Variants in STAU2 observed in about 807,000 individuals in gnomAD.
STAU2 encodes the protein staufen double-stranded RNA binding protein 2.
Under a neutral mutation model 65.9 loss-of-function variants are expected in STAU2, and 20 were observed. That is an observed-to-expected ratio of 0.30 (90% CI 0.21 to 0.44). STAU2 has a LOEUF of 0.44. Ranked by LOEUF, STAU2 falls within the 20% of genes least tolerant of loss-of-function variation. The pLI is 1.00. For missense variants in STAU2, 558 were observed against 683.9 expected (o/e 0.82, Z 2.05); for synonymous variants, 232 against 233.9 (o/e 0.99, Z 0.07).
Position 73,746,818 on chromosome 8 carries a change from A to C in STAU2, c.-232T>G. 8.2e-7 allele frequency: 1 copy of C among 1,223,138 alleles called. No individual in the cohort carries two copies. Among genetic ancestry groups the C allele is most frequent in the Non-Finnish European group, 1.0e-6 (1 of 981,322 alleles). The allele number at this position is 1,223,138 out of a possible 1,614,324, so 75.8% of individuals were successfully genotyped here. On this transcript the variant is annotated 5_prime_UTR_variant, in exon 1 of 15. It removes an upstream start codon present in the reference 5' UTR. Transcript: ENST00000524300. ...GGGACACTTTGCAGACGGCTCCAACATTGGCAAACACTACAGAGAACTGAC... is the reference window on the plus strand; with the variant it reads ...GGGACACTTTGCAGACGGCTCCAACCTTGGCAAACACTACAGAGAACTGAC...
At chr8:73,632,262 T>C (rs1316003439) in intron 6 of STAU2, among the ~76,000 whole-genome samples, 1 of 150,116 alleles carries the variant, frequency 6.7e-6, no homozygotes, top group Non-Finnish European at 1.5e-5. Context: ...GTTCAGTACA[T>C]TAAAAAAAAA....
intron 3 of STAU2, among the ~76,000 whole-genome samples, chr8:73,724,661 G>GTGTGTC (rs1220063060): frequency 7.2e-6 from 1 of 139,276 alleles, no homozygotes; most frequent in African/African-American, 2.7e-5. Context: ...GGTTGTGTGT[G>GTGTGTC]TGTGTGTGTG....
At chr8:73,533,577 T>C (rs1189656530) in intron 13 of STAU2, among the ~76,000 whole-genome samples, 2 of 152,178 alleles carry the variant, frequency 1.3e-5, no homozygotes, top group South Asian at 2.1e-4. Context: ...GAAGTATTCA[T>C]AGAATCACTT....
intron 13 of STAU2, among the ~76,000 whole-genome samples, chr8:73,456,241 A>G (rs1819056592): frequency 6.6e-6 from 1 of 152,218 alleles, no homozygotes; most frequent in Admixed American, 6.5e-5. Flanking sequence ...CAAAAGGGCA[A>G]TCGAAAATAT....
At chr8:73,676,893 G>T (rs897333373) in intron 5 of STAU2, among the ~76,000 whole-genome samples, 3 of 152,194 alleles carry the variant, frequency 2.0e-5, no homozygotes, top group African/African-American at 7.2e-5. Context: ...ACCGTACCTG[G>T]TCTCATTGAA....
At chr8:73,648,645 A>G (rs1014751179) in intron 6 of STAU2, among the ~76,000 whole-genome samples, 3 of 152,194 alleles carry the variant, frequency 2.0e-5, no homozygotes, top group Admixed American at 2.0e-4. Context: ...CAGCATGGTG[A>G]TAAGTATACA....
At chr8:73,551,899 T>C in intron 13 of STAU2, 113 bp downstream of exon 13, 1 of 1,371,458 alleles carries the variant, frequency 7.3e-7, no homozygotes, top group East Asian at 2.5e-5. Flanking sequence ...ACTTAAAACG[T>C]AAGTGGCATG....
chr8:73,427,699 G>T (rs1816928317), intron 13 of STAU2, among the ~76,000 whole-genome samples: 1 of 152,252 alleles, frequency 6.6e-6, no homozygotes, highest in South Asian at 2.1e-4. Flanking sequence ...GGCGCTAAAG[G>T]CCAGGCTCAC....
At chr8:73,494,648 A>G (rs1471342604) in intron 13 of STAU2, among the ~76,000 whole-genome samples, 1 of 151,698 alleles carries the variant, frequency 6.6e-6, no homozygotes, top group African/African-American at 2.4e-5. Context: ...TGATTTGGAT[A>G]TTGAAGTTTT....
At chr8:73,646,938 G>GAA (rs1554555345) in intron 6 of STAU2, among the ~76,000 whole-genome samples, 1 of 143,968 alleles carries the variant, frequency 6.9e-6, no homozygotes, top group Non-Finnish European at 1.5e-5. Context: ...CACACAGCCA[G>GAA]ACACACACAC....
intron 6 of STAU2, among the ~76,000 whole-genome samples, chr8:73,669,730 T>C (rs1023306514): frequency 2.2e-4 from 33 of 152,128 alleles, no homozygotes; most frequent in African/African-American, 7.2e-4. Flanking sequence ...AGCAACCTTC[T>C]CAGTGACTAA....
At chr8:73,526,357 A>C (rs752238872) in intron 13 of STAU2, among the ~76,000 whole-genome samples, 1 of 152,142 alleles carries the variant, frequency 6.6e-6, no homozygotes, top group Non-Finnish European at 1.5e-5. Context: ...ATACTTCCCC[A>C]CCAATGAATG....
intron 13 of STAU2, 69 bp downstream of exon 13, chr8:73,551,943 G>A: frequency 6.7e-7 from 1 of 1,500,182 alleles, no homozygotes; most frequent in Non-Finnish European, 8.9e-7. Context: ...TGAGCCTTGT[G>A]ATGTATACAG....
intron 3 of STAU2, among the ~76,000 whole-genome samples, chr8:73,727,122 G>C (rs1315396057): frequency 6.6e-6 from 1 of 152,012 alleles, no homozygotes; most frequent in Admixed American, 6.6e-5. Flanking sequence ...CCCAGCTACT[G>C]AGGAGGCTGA....
intron 13 of STAU2, among the ~76,000 whole-genome samples, chr8:73,468,928 C>T (rs1202660861): frequency 7.0e-6 from 1 of 143,116 alleles, no homozygotes; most frequent in East Asian, 2.3e-4. Flanking sequence ...CTAGAAATAA[C>T]ATTTGACCCA....
intron 13 of STAU2, among the ~76,000 whole-genome samples, chr8:73,536,163 C>T (rs10103139): frequency 0.11 from 17,154 of 152,036 alleles, 1,239 homozygotes; most frequent in Non-Finnish European, 0.17. Context: ...AAGCTCTGGA[C>T]GCTATATATA....
At chr8:73,464,630 G>T (rs1221877179) in intron 13 of STAU2, among the ~76,000 whole-genome samples, 1 of 151,526 alleles carries the variant, frequency 6.6e-6, no homozygotes, top group Non-Finnish European at 1.5e-5. Flanking sequence ...ACACACTGCA[G>T]CCTTAATAGC....
chr8:73,738,916 T>G (rs1806632959), intron 2 of STAU2, among the ~76,000 whole-genome samples: 1 of 152,198 alleles, frequency 6.6e-6, no homozygotes, highest in Non-Finnish European at 1.5e-5. Flanking sequence ...CTCTGTCATT[T>G]TGTCTGTTAT....
chr8:73,471,708 C>T (rs931054257), intron 13 of STAU2, among the ~76,000 whole-genome samples: 3 of 149,144 alleles, frequency 2.0e-5, no homozygotes, highest in Admixed American at 1.4e-4. Flanking sequence ...ATCCTAGCTA[C>T]TTGGGAGGCT....
Sources: allele counts gnomAD v4.1 joint callset (sites outside exome capture counted in the v4.1 genomes callset), GRCh38; gene constraint gnomAD v4.1.1; transcripts MANE v1.5; gene names NCBI Gene and HGNC (gene_info 2026-07-23, HGNC 2026-07-21).